The following CCDC125 variants were observed in gnomAD, a reference collection of about 807,000 sequenced individuals.
CCDC125 encodes coiled-coil domain-containing protein 125.
A neutral mutation model predicts 57.4 loss-of-function variants in CCDC125; 43 were observed. That is an observed-to-expected ratio of 0.75 (90% CI 0.59 to 0.97). The LOEUF is 0.97. Among genes scored for constraint, CCDC125 ranks in the 50% least tolerant of loss-of-function variants. The pLI is 0.00. For synonymous variants in CCDC125, 187 were observed against 195.2 expected, an observed-to-expected ratio of 0.96 and a Z score of 0.35; for missense variants, 563 against 595.7, an observed-to-expected ratio of 0.95 and a Z score of 0.57.
intron 4 of CCDC125, chr5:69,309,871 T>A (rs1237787861): frequency 6.6e-6 from 1 of 152,266 alleles, no homozygotes; most frequent in Non-Finnish European, 1.5e-5. Flanking sequence ...ACCTCTTGCA[T>A]CAGTATGACC....
At chr5:69,288,243 T>C (rs1277687514) in intron 10 of CCDC125, among the ~76,000 whole-genome samples, 2 of 152,154 alleles carry the variant, frequency 1.3e-5, no homozygotes, top group African/African-American at 4.8e-5. Flanking sequence ...AATGAGGCTC[T>C]TGATGGGCTC....
rs548161503 is a variant in CCDC125, at chr5:69,332,714, T to G, written c.-106A>C. ...CGGGGACCGGAGCCCGGACTCCAGC[T>G]CAGCGAACAGCACCCTCCTACCGCC... On this transcript the variant is annotated 5_prime_UTR_variant, in exon 1 of 12. Coordinates refer to ENST00000396496, the MANE Select transcript of CCDC125 (RefSeq NM_176816.5). 2 of 152,460 alleles carry G rather than the reference T, an allele frequency of 1.3e-5. No individual in the cohort carries two copies. The highest frequency in any genetic ancestry group is 4.8e-5 in the African/African-American group (2 of 41,562). 9.4% of individuals were successfully genotyped at this position (152,460 alleles called of 1,614,324 possible).
Position 69,280,360 on chromosome 5 carries a change from A to T in CCDC125, c.*2369T>A, listed in dbSNP as rs955509167. The T allele has an allele frequency of 3.3e-5, 5 of 152,256 alleles. No individual in the cohort carries two copies. The highest frequency in any genetic ancestry group is 1.2e-4 in the African/African-American group (5 of 41,470). The allele number at this position is 152,256 out of a possible 1,614,324, so 9.4% of individuals were successfully genotyped here. A position where few individuals can be genotyped will look rare whatever the true frequency, so the allele number is the denominator to read the frequency against. On this transcript the variant is annotated 3_prime_UTR_variant, in exon 12 of 12. Transcript: ENST00000396496. The stretch of plus-strand genomic sequence containing the variant: ...AAACACACCTCTAGGTGGAAATTTA[A>T]GATGCTACTGAGACATGTGGTGTAT...
At chr5:69,305,777 G>A (rs1194493646) in intron 6 of CCDC125, among the ~76,000 whole-genome samples, 2 of 152,056 alleles carry the variant, frequency 1.3e-5, no homozygotes, top group African/African-American at 2.4e-5. Context: ...CAATAAATAC[G>A]AAGGGTGCTA....
downstream of CCDC125, chr5:69,277,251 T>C (rs1752246410): frequency 3.5e-6 from 2 of 577,672 alleles, no homozygotes; most frequent in East Asian, 5.9e-5. Context: ...ATTCTACACA[T>C]GTAAAATATG....
rs149473412 is a variant in CCDC125, at chr5:69,294,881, C to T, written c.836G>A (p.Cys279Tyr). ...SGLELAVLGA[C>Y]LCHGPGGNPC... ...GTTCCCTCCGGGCCCATGACAAAGGCAGGCTCCGAGGACCGCAAGCTTTAA... is the reference window on the plus strand; with the variant it reads ...GTTCCCTCCGGGCCCATGACAAAGGTAGGCTCCGAGGACCGCAAGCTTTAA... Residue 279 changes from cysteine to tyrosine, a missense_variant, in exon 9 of 12, where the codon TGC (cysteine) becomes TAC (tyrosine). Coordinates refer to ENST00000396496, the MANE Select transcript of CCDC125 (RefSeq NM_176816.5). The T allele has an allele frequency of 3.5e-5, 57 of 1,613,852 alleles. No individual in the cohort carries two copies. Among genetic ancestry groups the T allele is most frequent in the Admixed American group, 1.0e-4 (6 of 59,904 alleles).
intron 2 of CCDC125, among the ~76,000 whole-genome samples, chr5:69,317,667 C>A (rs1392176089): frequency 6.6e-6 from 1 of 152,144 alleles, no homozygotes; most frequent in Admixed American, 6.6e-5. Flanking sequence ...TCCACAGACT[C>A]CCGATCATTT....
chr5:69,284,228 TAAA>T (rs996218631), intron 11 of CCDC125, among the ~76,000 whole-genome samples: 1 of 152,260 alleles, frequency 6.6e-6, no homozygotes, highest in East Asian at 1.9e-4. Context: ...TATCAACATA[TAAA>T]AAATATATCA....
chr5:69,305,808 A>C (rs1757240965), intron 6 of CCDC125, among the ~76,000 whole-genome samples: 1 of 152,116 alleles, frequency 6.6e-6, no homozygotes, highest in South Asian at 2.1e-4. Flanking sequence ...ACCCTTGTTC[A>C]CTGGAGCAAG....
intron 11 of CCDC125, 139 bp from the exon 12 acceptor site, chr5:69,283,173 A>T: frequency 1.7e-6 from 1 of 601,550 alleles, no homozygotes; most frequent in Non-Finnish European, 2.8e-6. Flanking sequence ...TGAATAAATT[A>T]GGTATCACCT....
At chr5:69,319,107 T>G (rs910107536) in intron 2 of CCDC125, among the ~76,000 whole-genome samples, 6 of 152,028 alleles carry the variant, frequency 3.9e-5, no homozygotes, top group African/African-American at 1.4e-4. Flanking sequence ...TTTATACTTT[T>G]AGTAGAGATG....
chr5:69,273,903 GGATA>G, the CCDC125 span, among the ~76,000 whole-genome samples: 1 of 152,130 alleles, frequency 6.6e-6, no homozygotes, highest in Non-Finnish European at 1.5e-5. Flanking sequence ...ATGGATGGAA[GGATA>G]GATAGATATA....
At chr5:69,321,319 A>G (rs1356279858) in intron 1 of CCDC125, among the ~76,000 whole-genome samples, 1 of 152,212 alleles carries the variant, frequency 6.6e-6, no homozygotes, top group Non-Finnish European at 1.5e-5. Context: ...TCAATTTTCA[A>G]TTAAAAAAAC....
chr5:69,331,751 C>G (rs776050709), intron 1 of CCDC125, among the ~76,000 whole-genome samples: 24 of 152,106 alleles, frequency 1.6e-4, no homozygotes, highest in Admixed American at 6.6e-5. Context: ...ATTCTTCACC[C>G]CAGGAATGCT....
At chr5:69,301,173 T>G (rs900258266) in intron 7 of CCDC125, among the ~76,000 whole-genome samples, 1 of 151,614 alleles carries the variant, frequency 6.6e-6, no homozygotes. Context: ...AAGAGTCTCG[T>G]TATGTTGCCC....
At chr5:69,314,143 G>T (rs1758616909) in intron 2 of CCDC125, 97 bp from the exon 3 acceptor site, 2 of 844,928 alleles carry the variant, frequency 2.4e-6, no homozygotes, top group Admixed American at 4.0e-5. Context: ...CCAAATACAG[G>T]TATCCCCTAA....
intron 1 of CCDC125, among the ~76,000 whole-genome samples, chr5:69,331,051 C>A (rs111587098): frequency 1.3e-5 from 2 of 152,004 alleles, no homozygotes; most frequent in Non-Finnish European, 2.9e-5. Flanking sequence ...ACATGTAATC[C>A]GAGCACTTTG....
At position 69,288,269 on chromosome 5, in the gene CCDC125, A is replaced by G. The variant is rs371651424; in HGVS notation, c.1100-2802T>C. Among the ~76,000 whole-genome samples the G allele has an allele frequency of 2.6e-5, 4 of 152,200 alleles. No individual in the cohort carries two copies. The South Asian group carries it at 6.2e-4, about 24-fold the overall frequency. ...TGATGGGCTCCTGGATAGCCTCAGGATGGGGGCTGGTTGCCAGGGGAACCA... is the reference window on the plus strand; with the variant it reads ...TGATGGGCTCCTGGATAGCCTCAGGGTGGGGGCTGGTTGCCAGGGGAACCA... On this transcript the variant is annotated intron_variant, in intron 10 of 11. Transcript: ENST00000396496.
At chr5:69,303,757 C>T in intron 7 of CCDC125, 90 bp downstream of exon 7, 1 of 688,546 alleles carries the variant, frequency 1.5e-6, no homozygotes, top group Non-Finnish European at 2.4e-6. Flanking sequence ...TACATTTCTC[C>T]CCTCTATTAT....
Sources: allele counts gnomAD v4.1 joint callset (sites outside exome capture counted in the v4.1 genomes callset), GRCh38; gene constraint gnomAD v4.1.1; transcripts MANE v1.5; gene names NCBI Gene and HGNC (gene_info 2026-07-23, HGNC 2026-07-21).